MBD5: variants seen among roughly 807,000 people sequenced by gnomAD.
The protein encoded by MBD5 is methyl-CpG-binding domain protein 5.
A neutral mutation model predicts 117.3 loss-of-function variants in MBD5; 13 were observed. The ratio of observed to expected loss-of-function variants is 0.11; its 90% CI spans 0.07 to 0.18. The LOEUF (loss-of-function observed/expected upper bound fraction) is 0.18. Ranked by LOEUF, MBD5 falls within the 10% of genes least tolerant of loss-of-function variation. The probability of loss-of-function intolerance (pLI) is 1.00; values close to 1 mark genes in which losing one functional copy is unlikely to be tolerated. For missense variants in MBD5, 1,879 were observed against 2,093.8 expected, an observed-to-expected ratio of 0.90 and a Z score of 2.00; for synonymous variants, 727 against 766.4, an observed-to-expected ratio of 0.95 and a Z score of 0.85.
intron 1 of MBD5, among the ~76,000 whole-genome samples, chr2:148,058,729 C>T (rs1452240746): frequency 6.6e-6 from 1 of 152,060 alleles, no homozygotes; most frequent in African/African-American, 2.4e-5. Flanking sequence ...GAAGTTTCCT[C>T]AAATAGATTT....
At chr2:148,190,984 C>A (rs1016879619) in intron 2 of MBD5, among the ~76,000 whole-genome samples, 2 of 149,882 alleles carry the variant, frequency 1.3e-5, no homozygotes, top group African/African-American at 5.0e-5. Context: ...AGACTTTAAA[C>A]CAACACAGAT....
chr2:148,443,782 G>T (rs987707063), intron 4 of MBD5, among the ~76,000 whole-genome samples: 1 of 151,114 alleles, frequency 6.6e-6, no homozygotes, highest in Non-Finnish European at 1.5e-5. Flanking sequence ...AGGTGGGGAT[G>T]GCTAATGAGT....
Position 148,470,251 on chromosome 2 carries a change from C to T in MBD5, c.2308C>T (p.His770Tyr), listed in dbSNP as rs778118780. The T allele has an allele frequency of 6.2e-6, 10 of 1,613,838 alleles. No individual in the cohort carries two copies. In the Admixed American group the frequency reaches 1.7e-4, roughly 27 times the overall value. Residue 770 changes from histidine (H) to tyrosine (Y), a missense_variant, in exon 8 of 14, where the codon CAC (histidine) becomes TAC (tyrosine). His to Tyr is a moderately conservative substitution (Grantham distance 83). Around this residue, in one of 4 missense-constraint regions of MBD5, gnomAD observed 1,666 missense variants for 1,792.2 expected, o/e 0.93. Transcript: ENST00000642680. ...CCACAATGCAAACACTAACTTTGTT[C>T]ACAGTAACAGTCCAGTCCCCAACCA... is the stretch of plus-strand genomic sequence containing the variant. ...HCHNANTNFV[H>Y]SNSPVPNHHL...
At chr2:148,051,604 AGTGTGTGTGTGTGTGT>A (rs59584574) in intron 1 of MBD5, among the ~76,000 whole-genome samples, 99 of 139,150 alleles carry the variant, frequency 7.1e-4, no homozygotes, top group Non-Finnish European at 9.6e-4. Flanking sequence ...CTGTTTGTTG[AGTGTGTGTGTGTGTGT>A]GTGTGTGTGT....
chr2:148,381,361 G>C (rs1221325166), intron 4 of MBD5, among the ~76,000 whole-genome samples: 2 of 151,972 alleles, frequency 1.3e-5, no homozygotes, highest in Non-Finnish European at 1.5e-5. Flanking sequence ...TGGAAGAAAG[G>C]GTATCAGCAA....
At chr2:148,148,131 G>C (rs1244269843) in intron 1 of MBD5, among the ~76,000 whole-genome samples, 1 of 152,134 alleles carries the variant, frequency 6.6e-6, no homozygotes, top group Non-Finnish European at 1.5e-5. Context: ...TCTGTAGGTA[G>C]CAATGGTTAC....
chr2:148,235,012 C>T (rs1574172928), intron 3 of MBD5, among the ~76,000 whole-genome samples: 1 of 152,044 alleles, frequency 6.6e-6, no homozygotes, highest in South Asian at 2.1e-4. Context: ...CCAGAACCCC[C>T]TATGAATACC....
At chr2:148,434,380 A>G (rs1338554067) in intron 4 of MBD5, among the ~76,000 whole-genome samples, 1 of 151,728 alleles carries the variant, frequency 6.6e-6, no homozygotes, top group Non-Finnish European at 1.5e-5. Context: ...CCTTCAGTTC[A>G]GCTCTGATTT....
chr2:148,274,951 C>T (rs1701072299), intron 3 of MBD5, among the ~76,000 whole-genome samples: 1 of 151,916 alleles, frequency 6.6e-6, no homozygotes, highest in Admixed American at 6.6e-5. Context: ...TCGAACTCCT[C>T]AGGTGTTGAC....
At chr2:148,311,162 C>T (rs1266142102) in intron 3 of MBD5, among the ~76,000 whole-genome samples, 5 of 152,068 alleles carry the variant, frequency 3.3e-5, no homozygotes, top group African/African-American at 7.2e-5. Flanking sequence ...TCTATTAGGT[C>T]GGCTTGGTCC....
Position 148,462,697 on chromosome 2 carries a change from C to CAATA in MBD5, c.216+14_216+17dup, listed in dbSNP as rs766305683. On this transcript the variant is annotated intron_variant, in intron 6 of 13. Transcript: ENST00000642680. ...TATTCTTCCCAAGGTAACCATTTCA[C>CAATA]AATAGATCTACAGCAGTGTTTTATT... is the stretch of plus-strand genomic sequence containing the variant. 2.7e-6 allele frequency: 4 copies of CAATA among 1,493,062 alleles called. No homozygotes were observed. The highest frequency in any genetic ancestry group is 3.7e-6 in the Non-Finnish European group (4 of 1,070,504). 92.5% of individuals were successfully genotyped at this position (1,493,062 alleles called of 1,614,324 possible).
chr2:148,413,536 A>G (rs1359901195), intron 4 of MBD5, among the ~76,000 whole-genome samples: 1 of 146,084 alleles, frequency 6.8e-6, no homozygotes, highest in African/African-American at 2.5e-5. Context: ...GAGTAATTTC[A>G]GTAGAAATGG....
chr2:148,037,908 A>G (rs1694239161), intron 1 of MBD5, among the ~76,000 whole-genome samples: 2 of 152,042 alleles, frequency 1.3e-5, no homozygotes, highest in Admixed American at 6.6e-5. Flanking sequence ...AGTGATATAC[A>G]TTACAAAAGA....
chr2:148,329,065 G>A (rs1702559931), intron 3 of MBD5, among the ~76,000 whole-genome samples: 2 of 152,056 alleles, frequency 1.3e-5, no homozygotes, highest in African/African-American at 4.8e-5. Flanking sequence ...ACTGTCATTA[G>A]GTAATGATAA....
intron 7 of MBD5, among the ~76,000 whole-genome samples, chr2:148,464,985 A>G (rs1707215281): frequency 6.7e-6 from 1 of 149,564 alleles, no homozygotes; most frequent in Non-Finnish European, 1.5e-5. Context: ...AAAAAAAAAA[A>G]GAAGTCAGTC....
intron 13 of MBD5, among the ~76,000 whole-genome samples, chr2:148,511,786 G>C (rs77243466): frequency 6.6e-6 from 1 of 152,062 alleles, no homozygotes. Flanking sequence ...AGGAGGAATA[G>C]GCAGATTGAA....
chr2:148,308,491 C>CTTTTTTTTTTTTT (rs60650324), intron 3 of MBD5, among the ~76,000 whole-genome samples: 1 of 66,772 alleles, frequency 1.5e-5, no homozygotes, highest in Non-Finnish European at 3.1e-5. Flanking sequence ...GGGGTTCTTT[C>CTTTTTTTTTTTTT]TTTTTTTTTT....
chr2:148,273,680 C>G (rs987824804), intron 3 of MBD5, among the ~76,000 whole-genome samples: 1 of 152,188 alleles, frequency 6.6e-6, no homozygotes, highest in South Asian at 2.1e-4. Flanking sequence ...TTGAAAAACT[C>G]TAGACACCAA....
At chr2:148,065,789 T>G (rs995005546) in intron 1 of MBD5, among the ~76,000 whole-genome samples, 7 of 152,212 alleles carry the variant, frequency 4.6e-5, no homozygotes, top group African/African-American at 1.7e-4. Context: ...GAGCCTTATG[T>G]GAACTTTCTT....
Sources: allele counts gnomAD v4.1 joint callset (sites outside exome capture counted in the v4.1 genomes callset), GRCh38; gene constraint gnomAD v4.1.1; regional missense constraint gnomAD v4.1.1; transcripts MANE v1.5; gene names NCBI Gene and HGNC (gene_info 2026-07-23, HGNC 2026-07-21).